Variants in FAM171A1 observed in about 807,000 individuals in gnomAD.
FAM171A1 encodes the protein family with sequence similarity 171 member A1.
A neutral mutation model predicts 74.9 loss-of-function variants in FAM171A1; 23 were observed. That is an observed-to-expected ratio of 0.31 (90% CI 0.22 to 0.44). FAM171A1 has a LOEUF of 0.44. Among genes scored for constraint, FAM171A1 ranks in the 20% least tolerant of loss-of-function variants. The pLI, the probability that FAM171A1 is intolerant of heterozygous loss-of-function variation, is 1.00. For synonymous variants in FAM171A1, 527 were observed against 505.7 expected (o/e 1.04, Z -0.57); for missense variants, 1,162 against 1,159.2 (o/e 1.00, Z -0.03).
chr10:15,213,744 T>C lies in FAM171A1; in HGVS notation c.1844A>G (p.Gln615Arg). Reference protein sequence around the residue: ...ADQQLEIERLQAELSNPHAGI... With the variant: ...ADQQLEIERLRAELSNPHAGI... The stretch of plus-strand genomic sequence containing the variant: ...GGCATGGGGATTGGACAGCTCAGCC[T>C]GTAGTCTTTCTATCTCAAGCTGCTG... Residue 615 changes from glutamine (Q) to arginine (R), a missense_variant, in exon 8 of 8, where the codon CAG (glutamine) becomes CGG (arginine). Transcript: ENST00000378116. This position sits in a 1 kb window ranked among gnomAD's most constrained non-coding sequence, Gnocchi z 6.8. The C allele has an allele frequency of 6.2e-7, 1 of 1,613,864 alleles. No homozygotes were observed. Among genetic ancestry groups the C allele is most frequent in the Non-Finnish European group, 8.5e-7 (1 of 1,179,848 alleles).
intron 5 of FAM171A1, among the ~76,000 whole-genome samples, chr10:15,245,193 G>A (rs763146361): frequency 5.9e-5 from 9 of 152,134 alleles, no homozygotes; most frequent in Admixed American, 2.6e-4. Flanking sequence ...AGCCTCTGGC[G>A]TAGCTGGGAT....
intron 6 of FAM171A1, among the ~76,000 whole-genome samples, chr10:15,217,149 A>C (rs1833977233): frequency 6.6e-6 from 1 of 152,204 alleles, no homozygotes; most frequent in Non-Finnish European, 1.5e-5. Flanking sequence ...GTTGTAAAAA[A>C]TCCCAAGAGG....
At chr10:15,370,089 C>CA (rs1406508154) in intron 1 of FAM171A1, among the ~76,000 whole-genome samples, 1 of 121,812 alleles carries the variant, frequency 8.2e-6, no homozygotes, top group Non-Finnish European at 1.8e-5. Flanking sequence ...GGACTCCCCT[C>CA]AAAAAACGCT....
chr10:15,267,490 C>G (rs929384472), intron 3 of FAM171A1, among the ~76,000 whole-genome samples: 12 of 150,616 alleles, frequency 8.0e-5, no homozygotes, highest in Non-Finnish European at 4.4e-5. Flanking sequence ...GTAGTCCCAG[C>G]TACTCAGCAG....
chr10:15,299,490 TTTTTTTG>T (rs1244065136), intron 1 of FAM171A1, among the ~76,000 whole-genome samples: 2 of 129,000 alleles, frequency 1.6e-5, no homozygotes, highest in East Asian at 5.1e-4. Context: ...TTGTTTTTGT[TTTTTTTG>T]TTTTTTTGTC....
chr10:15,366,487 A>G (rs1485947304), intron 1 of FAM171A1, among the ~76,000 whole-genome samples: 1 of 152,226 alleles, frequency 6.6e-6, no homozygotes, highest in Non-Finnish European at 1.5e-5. Context: ...TGAATAATTT[A>G]GCTAAAACTG....
intron 5 of FAM171A1, among the ~76,000 whole-genome samples, chr10:15,234,079 G>C (rs75632517): frequency 0.05 from 7,551 of 151,964 alleles, 249 homozygotes; most frequent in East Asian, 0.19. Flanking sequence ...GCCCAAGGAC[G>C]GGCCCTCTCC....
chr10:15,350,276 A>G (rs1835862463), intron 1 of FAM171A1, among the ~76,000 whole-genome samples: 1 of 123,624 alleles, frequency 8.1e-6, no homozygotes, highest in Non-Finnish European at 1.9e-5. Flanking sequence ...TACAATCCAC[A>G]GGGATGGCCA....
chr10:15,334,673 G>A (rs1326370292), intron 1 of FAM171A1, among the ~76,000 whole-genome samples: 1 of 152,138 alleles, frequency 6.6e-6, no homozygotes, highest in East Asian at 1.9e-4. Flanking sequence ...TCCTTTTCTT[G>A]GAGGTGGCAC....
At chr10:15,256,698 C>T (rs1437647214) in intron 3 of FAM171A1, among the ~76,000 whole-genome samples, 1 of 152,112 alleles carries the variant, frequency 6.6e-6, no homozygotes, top group African/African-American at 2.4e-5. Flanking sequence ...TCTTATTTTC[C>T]CTCGATGTTA....
chr10:15,370,785 GC>G (rs1221510836), intron 1 of FAM171A1, among the ~76,000 whole-genome samples, 170 bp downstream of exon 1: 1 of 128,004 alleles, frequency 7.8e-6, no homozygotes, highest in African/African-American at 3.0e-5. Context: ...GGCCCGCGCC[GC>G]CCCCTCGGGA....
Position 15,213,798 on chromosome 10 carries a change from A to G in FAM171A1, c.1790T>C (p.Val597Ala), listed in dbSNP as rs1833927662. Reference sequence around the variant, plus strand: ...AGCCGGGACGACGAGGGGCTGGCTGACATAGGAGTGGTCCCCGGGGAGTTT... The same window carrying G: ...AGCCGGGACGACGAGGGGCTGGCTGGCATAGGAGTGGTCCCCGGGGAGTTT... Reference protein sequence around the residue: ...YMKLPGDHSYVSQPLVVPADQ... With the variant: ...YMKLPGDHSYASQPLVVPADQ... Residue 597 changes from valine to alanine, a missense_variant, in exon 8 of 8, where the codon GTC becomes GCC. Transcript: ENST00000378116. The surrounding 1 kb of genome is among the most constrained non-coding windows in gnomAD (Gnocchi z 6.8). 6.2e-7 allele frequency: 1 copy of G among 1,614,182 alleles called. No homozygotes were observed. The highest frequency in any genetic ancestry group is 8.5e-7 in the Non-Finnish European group (1 of 1,180,040).
In FAM171A1 at chr10:15,350,877, G is replaced by T. The variant is rs527483099; in HGVS notation, c.97+20079C>A. ...AGGCTGGTCTCAAACTCCTGACCTC[G>T]AGTGATCTGCCTGCTTCAGCCTCCT... On this transcript the variant is annotated intron_variant, in intron 1 of 7. Coordinates refer to ENST00000378116, the MANE Select transcript of FAM171A1 (RefSeq NM_001010924.2). Among the ~76,000 whole-genome samples, 21 of 152,128 alleles carry T rather than the reference G, an allele frequency of 1.4e-4. 1 individual carries two copies. Among genetic ancestry groups the T allele is most frequent in the African/African-American group, 4.1e-4 (17 of 41,518 alleles).
intron 5 of FAM171A1, among the ~76,000 whole-genome samples, chr10:15,235,453 A>AG (rs142861567): frequency 0.11 from 17,178 of 152,058 alleles, 1,272 homozygotes; most frequent in African/African-American, 0.22. Context: ...ATCCATGGCT[A>AG]GGTGGGGCTT....
chr10:15,229,703 C>T (rs1250233917), intron 5 of FAM171A1, among the ~76,000 whole-genome samples: 1 of 134,496 alleles, frequency 7.4e-6, no homozygotes, highest in East Asian at 2.3e-4. Flanking sequence ...CCATCACCAT[C>T]ATCATCATCA....
intron 6 of FAM171A1, among the ~76,000 whole-genome samples, chr10:15,217,471 C>G (rs1209112196): frequency 6.6e-6 from 1 of 152,094 alleles, no homozygotes; most frequent in Non-Finnish European, 1.5e-5. Flanking sequence ...CCTAGATAAA[C>G]CCAAGATTTA....
intron 1 of FAM171A1, among the ~76,000 whole-genome samples, chr10:15,308,455 A>G (rs1017874089): frequency 6.6e-6 from 1 of 152,126 alleles, no homozygotes; most frequent in Non-Finnish European, 1.5e-5. Flanking sequence ...TATCTTGACA[A>G]ACTCTATTTT....
At chr10:15,322,859 G>A (rs1407513534) in intron 1 of FAM171A1, among the ~76,000 whole-genome samples, 5 of 151,824 alleles carry the variant, frequency 3.3e-5, no homozygotes. Flanking sequence ...CTTTTTTTTG[G>A]CTGGGGGCAG....
At chr10:15,368,078 C>T (rs1452482284) in intron 1 of FAM171A1, among the ~76,000 whole-genome samples, 6 of 152,076 alleles carry the variant, frequency 3.9e-5, no homozygotes, top group African/African-American at 1.2e-4. Flanking sequence ...AAAATAGATT[C>T]GATACTATAA....
Sources: gnomAD v4.1 joint callset for allele counts (sites outside exome capture counted in the v4.1 genomes callset) on GRCh38, gnomAD v4.1.1 for gene constraint, Gnocchi (gnomAD v3.1) non-coding constraint, MANE v1.5 for transcripts, NCBI Gene and HGNC (gene_info 2026-07-23, HGNC 2026-07-21) for gene names.